MAMDC2: variants seen among roughly 807,000 people sequenced by gnomAD.
MAMDC2 encodes the protein MAM domain containing 2, also known as MAM domain-containing protein 2.
A neutral mutation model predicts 89.8 loss-of-function variants in MAMDC2; 57 were observed. The ratio of observed to expected loss-of-function variants is 0.63; its 90% CI spans 0.51 to 0.79. The LOEUF (loss-of-function observed/expected upper bound fraction) is 0.79, where lower values mean the gene tolerates loss of function less well. Ranked by LOEUF, MAMDC2 falls within the 30% of genes least tolerant of loss-of-function variation. The pLI, the probability that MAMDC2 is intolerant of heterozygous loss-of-function variation, is 0.00. For missense variants in MAMDC2, 800 were observed against 820.6 expected (o/e 0.97, Z 0.31); for synonymous variants, 313 against 293.4 (o/e 1.07, Z -0.68).
intron 2 of MAMDC2, among the ~76,000 whole-genome samples, chr9:70,068,741 A>AAAAG (rs1043655250): frequency 5.9e-5 from 9 of 151,458 alleles, no homozygotes; most frequent in Admixed American, 2.6e-4. Flanking sequence ...AAAAAAAAAA[A>AAAAG]AAAGGCAATA....
intron 5 of MAMDC2, among the ~76,000 whole-genome samples, chr9:70,118,624 T>G (rs2030129253): frequency 6.6e-6 from 1 of 152,210 alleles, no homozygotes; most frequent in African/African-American, 2.4e-5. Flanking sequence ...ATTAAATGGT[T>G]CAGATGTCTG....
At chr9:70,185,675 C>G (rs1422277112) in intron 11 of MAMDC2, among the ~76,000 whole-genome samples, 3 of 152,210 alleles carry the variant, frequency 2.0e-5, no homozygotes, top group African/African-American at 7.2e-5. Flanking sequence ...GCCTCCTTAG[C>G]ACTGTCCGGG....
intron 7 of MAMDC2, among the ~76,000 whole-genome samples, chr9:70,138,889 G>A (rs1387169038): frequency 6.6e-6 from 1 of 152,062 alleles, no homozygotes; most frequent in Admixed American, 6.6e-5. Context: ...TCCTACTACT[G>A]ATGTCAAAGT....
At chr9:70,118,333 C>T (rs944057111) in intron 5 of MAMDC2, among the ~76,000 whole-genome samples, 1 of 82,688 alleles carries the variant, frequency 1.2e-5, no homozygotes, top group Non-Finnish European at 2.9e-5. Context: ...CACACACACA[C>T]ACACACACAC....
At chr9:70,196,440 T>C (rs1373544979) in intron 11 of MAMDC2, among the ~76,000 whole-genome samples, 3 of 152,088 alleles carry the variant, frequency 2.0e-5, no homozygotes, top group Non-Finnish European at 4.4e-5. Context: ...CATGTTCCAA[T>C]TGATGACAAA....
At chr9:70,182,854 A>G (rs1011476421) in intron 11 of MAMDC2, among the ~76,000 whole-genome samples, 4 of 152,094 alleles carry the variant, frequency 2.6e-5, no homozygotes, top group African/African-American at 9.7e-5. Flanking sequence ...TATCTCCTTC[A>G]GCTCTGCTCT....
chr9:70,056,697 G>A (rs533563259), intron 2 of MAMDC2, among the ~76,000 whole-genome samples: 2 of 152,172 alleles, frequency 1.3e-5, no homozygotes, highest in Non-Finnish European at 1.5e-5. Flanking sequence ...GCCACAGATC[G>A]GTACCGGTCT....
chr9:70,093,513 C>T (rs1294714339), intron 2 of MAMDC2, among the ~76,000 whole-genome samples: 1 of 151,146 alleles, frequency 6.6e-6, no homozygotes, highest in African/African-American at 2.4e-5. Context: ...GAAACCTCCA[C>T]CTCCCGGGTT....
chr9:70,069,470 T>C lies in MAMDC2; in HGVS notation c.148+24773T>C, dbSNP rs1392579207. On this transcript the variant is annotated intron_variant, in intron 2 of 13. Transcript: ENST00000377182. ...TTTTGTGTATCAAACAGCCAAGGCT[T>C]GTCATTGTAAACACTTTATAGACGA... 2.6e-5 allele frequency among the ~76,000 whole-genome samples: 4 copies of C among 152,336 alleles called. No individual in the cohort carries two copies. The East Asian group carries it at 7.7e-4, about 29-fold the overall frequency.
rs1469492450 is a variant in MAMDC2 at position 70,172,355 on chromosome 9, T to C, written c.1651+1724T>C. 4.6e-5 allele frequency among the ~76,000 whole-genome samples: 7 copies of C among 152,334 alleles called. No homozygotes were observed. The East Asian group carries it at 9.7e-4, about 21-fold the overall frequency. ...CTTTTTAATCAGGGAAGGTGGAAGATGGATTAAAAGAAAGGAACTTTAAAA... is the reference window on the plus strand; with the variant it reads ...CTTTTTAATCAGGGAAGGTGGAAGACGGATTAAAAGAAAGGAACTTTAAAA... On this transcript the variant is annotated intron_variant, in intron 11 of 13. Coordinates refer to ENST00000377182, the MANE Select transcript of MAMDC2 (RefSeq NM_153267.5).
At chr9:70,096,228 G>A (rs965242561) in intron 2 of MAMDC2, among the ~76,000 whole-genome samples, 3 of 152,026 alleles carry the variant, frequency 2.0e-5, no homozygotes, top group Middle Eastern at 3.4e-3. Context: ...ATGTTCCTCA[G>A]GCTGGTCTTG....
At chr9:70,142,544 C>T (rs1228623139) in intron 8 of MAMDC2, among the ~76,000 whole-genome samples, 1 of 152,192 alleles carries the variant, frequency 6.6e-6, no homozygotes, top group Non-Finnish European at 1.5e-5. Flanking sequence ...GAAAATACCA[C>T]AGACTGGGTG....
intron 4 of MAMDC2, among the ~76,000 whole-genome samples, chr9:70,112,089 A>T (rs547198940): frequency 6.6e-6 from 1 of 152,280 alleles, no homozygotes; most frequent in South Asian, 2.1e-4. Context: ...TAGCCCATTG[A>T]TACAGTCCGG....
At chr9:70,209,060 G>A (rs28851550) in intron 11 of MAMDC2, among the ~76,000 whole-genome samples, 13 of 152,224 alleles carry the variant, frequency 8.5e-5, no homozygotes, top group East Asian at 3.9e-4. Context: ...TTTTTGCGTC[G>A]ATGTTCATCA....
At chr9:70,053,207 G>C (rs148902970) in intron 2 of MAMDC2, among the ~76,000 whole-genome samples, 358 of 152,248 alleles carry the variant, frequency 2.4e-3, no homozygotes, top group South Asian at 2.1e-3. Flanking sequence ...CAGAGGATCA[G>C]GTTTGCAAGT....
At chr9:70,124,917 C>T (rs566998138) in intron 5 of MAMDC2, among the ~76,000 whole-genome samples, 3 of 152,242 alleles carry the variant, frequency 2.0e-5, no homozygotes, top group South Asian at 4.1e-4. Context: ...CACTATGTTG[C>T]CCAGGCTGGT....
intron 7 of MAMDC2, among the ~76,000 whole-genome samples, chr9:70,138,068 C>T (rs1313444580): frequency 6.6e-6 from 1 of 152,106 alleles, no homozygotes; most frequent in East Asian, 1.9e-4. Flanking sequence ...ACTCCCTCAC[C>T]CTTCTAAGTC....
At chr9:70,072,871 C>T (rs946536804) in intron 2 of MAMDC2, among the ~76,000 whole-genome samples, 8 of 152,096 alleles carry the variant, frequency 5.3e-5, no homozygotes, top group Non-Finnish European at 7.4e-5. Flanking sequence ...GACAGAGTCT[C>T]GCTCTGTCCA....
rs1013284894 is a variant in MAMDC2 at position 70,141,061 on chromosome 9, G to A, written c.1138+773G>A. ...ACATATTTATATACTGGAGACTGAG[G>A]TGAGTTTACCGTGGAGCTGGTGAAG... On this transcript the variant is annotated intron_variant, in intron 8 of 13. Coordinates refer to ENST00000377182, the MANE Select transcript of MAMDC2 (RefSeq NM_153267.5). Among the ~76,000 whole-genome samples the A allele has an allele frequency of 1.6e-4, 24 of 152,134 alleles. 1 individual carries two copies. In the East Asian group the frequency reaches 4.6e-3, roughly 29 times the overall value.
Sources: allele counts gnomAD v4.1 joint callset (sites outside exome capture counted in the v4.1 genomes callset), GRCh38; gene constraint gnomAD v4.1.1; transcripts MANE v1.5; gene names NCBI Gene and HGNC (gene_info 2026-07-23, HGNC 2026-07-21).